Variants in SPON1 observed in about 807,000 individuals in gnomAD.
The protein encoded by SPON1 is spondin 1.
In SPON1, 52 loss-of-function variants were observed where a neutral mutation model predicts 111.7. The observed-to-expected ratio is 0.47, with a 90% CI of 0.37 to 0.59. The LOEUF (loss-of-function observed/expected upper bound fraction) is 0.59, where lower values mean the gene tolerates loss of function less well. Among genes scored for constraint, SPON1 ranks in the 20% least tolerant of loss-of-function variants. SPON1 has a pLI of 0.00. For missense variants in SPON1, 957 were observed against 1,068.5 expected, an observed-to-expected ratio of 0.90 and a Z score of 1.46; for synonymous variants, 410 against 395.8, an observed-to-expected ratio of 1.04 and a Z score of -0.43.
intron 6 of SPON1, among the ~76,000 whole-genome samples, chr11:14,239,076 GC>G (rs1220303568): frequency 6.6e-6 from 1 of 152,064 alleles, no homozygotes; most frequent in Non-Finnish European, 1.5e-5. Flanking sequence ...AATGCCCAGG[GC>G]CCTAGTGCCC....
intron 6 of SPON1, among the ~76,000 whole-genome samples, chr11:14,152,194 A>G (rs577277340): frequency 1.1e-4 from 16 of 152,286 alleles, no homozygotes; most frequent in Non-Finnish European, 2.2e-4. Flanking sequence ...TGTTGAATTG[A>G]GTTGAATGCT....
intron 4 of SPON1, 62 bp downstream of exon 4, chr11:14,075,480 G>C (rs1253930534): frequency 8.2e-7 from 1 of 1,223,146 alleles, no homozygotes. Flanking sequence ...CCTCCTGCAC[G>C]ATCCTCCTGC....
At position 13,962,878 on chromosome 11, in the gene SPON1, C is replaced by T. The variant is rs1554907609; in HGVS notation, c.-27C>T. ...GAGTCGCGTGGCGAAGGCCTGCGGC[C>T]GCGGCACAAAGTTGGGGGCCGCGAA... On this transcript the variant is annotated 5_prime_UTR_variant, in exon 1 of 16. Coordinates refer to ENST00000576479, the MANE Select transcript of SPON1 (RefSeq NM_006108.4). 6.9e-7 allele frequency: 1 copy of T among 1,439,764 alleles called. No individual in the cohort carries two copies. The highest frequency in any genetic ancestry group is 2.8e-5 in the Admixed American group (1 of 35,652). 89.2% of individuals were successfully genotyped at this position (1,439,764 alleles called of 1,614,324 possible). A position where few individuals can be genotyped will look rare whatever the true frequency, so the allele number is the denominator to read the frequency against.
At chr11:14,000,173 G>A (rs1848306131) in intron 2 of SPON1, among the ~76,000 whole-genome samples, 1 of 152,098 alleles carries the variant, frequency 6.6e-6, no homozygotes, top group Non-Finnish European at 1.5e-5. Flanking sequence ...GAACAGGTCT[G>A]TCTCCCTAGG....
intron 2 of SPON1, among the ~76,000 whole-genome samples, chr11:14,039,641 G>T (rs1848618768): frequency 6.6e-6 from 1 of 152,140 alleles, no homozygotes; most frequent in Non-Finnish European, 1.5e-5. Context: ...TAAAGCTAAT[G>T]AAAGAAAATA....
At chr11:14,018,372 A>C (rs1050689396) in intron 2 of SPON1, among the ~76,000 whole-genome samples, 1 of 152,210 alleles carries the variant, frequency 6.6e-6, no homozygotes, top group Non-Finnish European at 1.5e-5. Context: ...AGGCAAGGAT[A>C]GATTCAAACA....
intron 1 of SPON1, among the ~76,000 whole-genome samples, chr11:13,971,983 T>C (rs1341789051): frequency 6.6e-6 from 1 of 152,240 alleles, no homozygotes; most frequent in Non-Finnish European, 1.5e-5. Context: ...TCCAAGGTTC[T>C]GTCCTTTGGA....
chr11:14,121,278 T>G (rs1017177922), intron 5 of SPON1, among the ~76,000 whole-genome samples: 6 of 152,208 alleles, frequency 3.9e-5, no homozygotes, highest in Admixed American at 1.3e-4. Flanking sequence ...AGACTTTACA[T>G]TAAAAGGGGT....
intron 6 of SPON1, among the ~76,000 whole-genome samples, chr11:14,165,225 TAGTTA>T (rs147207611): frequency 0.19 from 29,438 of 151,934 alleles, 2,912 homozygotes; most frequent in Admixed American, 0.25. Context: ...AAGATGGAGT[TAGTTA>T]AGTTAGATCT....
At chr11:14,058,219 C>T (rs1430685605) in intron 3 of SPON1, among the ~76,000 whole-genome samples, 2 of 152,028 alleles carry the variant, frequency 1.3e-5, no homozygotes, top group African/African-American at 4.8e-5. Context: ...AGGGGCTGAG[C>T]TGAGTTGGTT....
At chr11:14,043,523 G>A (rs1448702391) in intron 3 of SPON1, among the ~76,000 whole-genome samples, 1 of 152,202 alleles carries the variant, frequency 6.6e-6, no homozygotes, top group African/African-American at 2.4e-5. Flanking sequence ...GCTATTGTCT[G>A]TTAGTATTTT....
intron 6 of SPON1, among the ~76,000 whole-genome samples, chr11:14,203,886 C>T (rs2133898185): frequency 6.6e-6 from 1 of 152,300 alleles, no homozygotes; most frequent in South Asian, 2.1e-4. Context: ...AAGACATTAA[C>T]ATACAGAACT....
At chr11:14,190,274 G>C (rs1320719086) in intron 6 of SPON1, among the ~76,000 whole-genome samples, 1 of 152,138 alleles carries the variant, frequency 6.6e-6, no homozygotes, top group Non-Finnish European at 1.5e-5. Flanking sequence ...GTGGCTGCCA[G>C]GTTATGGCCA....
chr11:14,114,140 A>G (rs1452029435), intron 5 of SPON1, among the ~76,000 whole-genome samples: 1 of 152,152 alleles, frequency 6.6e-6, no homozygotes, highest in South Asian at 2.1e-4. Context: ...ATTAAATACT[A>G]GGTCTTATTC....
intron 2 of SPON1, among the ~76,000 whole-genome samples, chr11:14,023,713 A>G (rs192230190): frequency 9.0e-4 from 137 of 152,282 alleles, no homozygotes; most frequent in African/African-American, 3.2e-3. Flanking sequence ...CAGTATGGAA[A>G]AAAGACTGGG....
chr11:13,985,582 A>G (rs931019643), intron 2 of SPON1, among the ~76,000 whole-genome samples: 3 of 152,164 alleles, frequency 2.0e-5, no homozygotes, highest in Non-Finnish European at 4.4e-5. Context: ...CTCTCAGTGT[A>G]TACCTGTTAA....
Position 14,135,475 on chromosome 11 carries a change from A to G in SPON1, c.732A>G (p.Val244=). The part of the protein sequence containing the change: ...IIGGSHSKNY[V]LWEYGGYASE... ...GAGGATCCCACTCCAAGAATTATGTACTGTGGGAATATGGAGGATATGCCA... is the reference window on the plus strand; with the variant it reads ...GAGGATCCCACTCCAAGAATTATGTGCTGTGGGAATATGGAGGATATGCCA... The change falls in exon 6 of 16, where the codon GTA becomes GTG. Residue 244 remains valine (V), a synonymous_variant. Coordinates refer to ENST00000576479, the MANE Select transcript of SPON1 (RefSeq NM_006108.4). The surrounding 1 kb of genome is among the most constrained non-coding windows in gnomAD (Gnocchi z 4.4). 5 of 1,613,938 alleles carry G rather than the reference A, an allele frequency of 3.1e-6. No individual in the cohort carries two copies. The highest frequency in any genetic ancestry group is 4.2e-6 in the Non-Finnish European group (5 of 1,179,818).
intron 6 of SPON1, among the ~76,000 whole-genome samples, chr11:14,179,073 G>A (rs912112098): frequency 5.3e-5 from 8 of 152,164 alleles, no homozygotes; most frequent in Non-Finnish European, 1.2e-4. Context: ...TTCAGGGTAT[G>A]GTGGTCTCTA....
intron 7 of SPON1, among the ~76,000 whole-genome samples, chr11:14,252,666 C>T (rs1849065280): frequency 6.7e-6 from 1 of 148,870 alleles, no homozygotes; most frequent in Non-Finnish European, 1.5e-5. Context: ...GGGAATCCAG[C>T]GCTATGTACT....
Sources: allele counts gnomAD v4.1 joint callset (sites outside exome capture counted in the v4.1 genomes callset), GRCh38; gene constraint gnomAD v4.1.1; non-coding constraint Gnocchi (gnomAD v3.1); transcripts MANE v1.5; gene names NCBI Gene and HGNC (gene_info 2026-07-23, HGNC 2026-07-21).